The following TM4SF20 variants were observed in gnomAD, a reference collection of about 807,000 sequenced individuals.
TM4SF20 encodes transmembrane 4 L6 family member 20.
A neutral mutation model predicts 15.1 loss-of-function variants in TM4SF20; 13 were observed. The ratio of observed to expected loss-of-function variants is 0.86; its 90% confidence interval spans 0.56 to 1.36. TM4SF20 has a LOEUF of 1.36. TM4SF20 is among the 40% of genes most tolerant of loss of function. The pLI, the probability that TM4SF20 is intolerant of heterozygous loss-of-function variation, is 0.00. For synonymous variants in TM4SF20, 92 were observed against 96.6 expected, an observed-to-expected ratio of 0.95 and a Z score of 0.28; for missense variants, 282 against 268.4, an observed-to-expected ratio of 1.05 and a Z score of -0.35.
chr2:227,365,505 T>C (rs2076388584), intron 3 of TM4SF20, among the ~76,000 whole-genome samples: 1 of 152,254 alleles, frequency 6.6e-6, no homozygotes, highest in Non-Finnish European at 1.5e-5. Context: ...TGTTATTACA[T>C]GACTTAAAAT....
At chr2:227,373,695 C>T (rs1560006440) in intron 1 of TM4SF20, among the ~76,000 whole-genome samples, 1 of 151,976 alleles carries the variant, frequency 6.6e-6, no homozygotes, top group Admixed American at 6.6e-5. Flanking sequence ...CTTCAGGAAG[C>T]CAAGGTGGGC....
At chr2:227,380,503 G>A (rs944451674), upstream of TM4SF20, among the ~76,000 whole-genome samples, 20 of 152,154 alleles carry the variant, frequency 1.3e-4, no homozygotes, top group Non-Finnish European at 2.1e-4. Context: ...AATGTGGTGA[G>A]CCACATACTG....
chr2:227,379,297 A>G lies in TM4SF20; in HGVS notation c.-29T>C. ...CACCCCTGGCTCAGAAACGTTGTCA[A>G]AGTGGCTATGCTTGCATGGTACTAT... is the stretch of plus-strand genomic sequence containing the variant. On this transcript the variant is annotated 5_prime_UTR_variant, in exon 1 of 4. Coordinates refer to ENST00000304568, the MANE Select transcript of TM4SF20 (RefSeq NM_024795.4). The G allele has an allele frequency of 3.7e-6, 6 of 1,605,838 alleles. No homozygotes were observed. Among genetic ancestry groups the G allele is most frequent in the Admixed American group, 1.7e-5 (1 of 59,570 alleles).
chr2:227,367,175 C>T (rs989048863), intron 2 of TM4SF20, among the ~76,000 whole-genome samples: 4 of 152,142 alleles, frequency 2.6e-5, no homozygotes, highest in African/African-American at 7.2e-5. Context: ...ACCTCCAGCC[C>T]GGTTCTGACA....
intron 3 of TM4SF20, among the ~76,000 whole-genome samples, chr2:227,365,111 A>G (rs2076386020): frequency 6.6e-6 from 1 of 152,202 alleles, no homozygotes; most frequent in African/African-American, 2.4e-5. Context: ...CAGTTTCACC[A>G]TGTTGACCAG....
intron 1 of TM4SF20, among the ~76,000 whole-genome samples, chr2:227,375,258 T>A (rs1380557640): frequency 6.6e-6 from 1 of 152,018 alleles, no homozygotes; most frequent in Non-Finnish European, 1.5e-5. Context: ...TGGGCAATAG[T>A]GGTGCATGCC....
At position 227,363,553 on chromosome 2, in the gene TM4SF20, A is replaced by G; in HGVS notation, c.*171T>C. On this transcript the variant is annotated 3_prime_UTR_variant, in exon 4 of 4. Transcript: ENST00000304568. Reference sequence around the variant, plus strand: ...TAGTACAACACAAAACTAATTGAAAATTCTCTCCACCTTTCCCAAATCAAC... The same window carrying G: ...TAGTACAACACAAAACTAATTGAAAGTTCTCTCCACCTTTCCCAAATCAAC... 3 of 677,312 alleles carry G rather than the reference A, an allele frequency of 4.4e-6. No homozygotes were observed. 42.0% of individuals were successfully genotyped at this position (677,312 alleles called of 1,614,324 possible). A position where few individuals can be genotyped will look rare whatever the true frequency, so the allele number is the denominator to read the frequency against.
intron 2 of TM4SF20, among the ~76,000 whole-genome samples, chr2:227,368,987 A>G (rs913860150): frequency 2.6e-5 from 4 of 152,200 alleles, no homozygotes; most frequent in Non-Finnish European, 5.9e-5. Context: ...AAGCCTATAT[A>G]AGTGTTTTGA....
At chr2:227,373,370 C>A (rs2076430377) in intron 1 of TM4SF20, among the ~76,000 whole-genome samples, 1 of 152,200 alleles carries the variant, frequency 6.6e-6, no homozygotes, top group Admixed American at 6.5e-5. Flanking sequence ...GCCTAGCCAC[C>A]TTGGCGCATA....
intron 2 of TM4SF20, among the ~76,000 whole-genome samples, chr2:227,368,437 G>A (rs920398779): frequency 6.7e-6 from 1 of 149,674 alleles, no homozygotes; most frequent in Non-Finnish European, 1.5e-5. Flanking sequence ...TGTAACCTCT[G>A]CCTCCTGGGT....
intron 3 of TM4SF20, among the ~76,000 whole-genome samples, chr2:227,364,383 A>ACCCCCCC (rs1315331304): frequency 2.4e-4 from 34 of 143,404 alleles, no homozygotes; most frequent in African/African-American, 5.6e-4. Flanking sequence ...AGCCTCCCCT[A>ACCCCCCC]CCCCCCGCCA....
chr2:227,372,165 G>A (rs922789801), intron 1 of TM4SF20, among the ~76,000 whole-genome samples: 4 of 152,050 alleles, frequency 2.6e-5, no homozygotes, highest in East Asian at 1.9e-4. Flanking sequence ...ACATTTTCCC[G>A]AGCTCTGGCG....
chr2:227,368,726 T>C (rs1343780244), intron 2 of TM4SF20, among the ~76,000 whole-genome samples: 1 of 152,248 alleles, frequency 6.6e-6, no homozygotes, highest in Non-Finnish European at 1.5e-5. Flanking sequence ...ATTCCAGGCA[T>C]GTGTATTTCC....
In TM4SF20 at chr2:227,363,658, T is replaced by G. The variant is rs2076374502; in HGVS notation, c.*66A>C. 9 of 1,496,876 alleles carry G rather than the reference T, an allele frequency of 6.0e-6. No individual in the cohort carries two copies. Among genetic ancestry groups the G allele is most frequent in the Non-Finnish European group, 8.1e-6 (9 of 1,113,838 alleles). The allele number at this position is 1,496,876 out of a possible 1,614,324, so 92.7% of individuals were successfully genotyped here. On this transcript the variant is annotated 3_prime_UTR_variant, in exon 4 of 4. Coordinates refer to ENST00000304568, the MANE Select transcript of TM4SF20 (RefSeq NM_024795.4). Reference sequence around the variant, plus strand: ...TTTTTTAAATCATCTCAAAGATGACTTTGAAAACAAGTGTACTTCTCAAAT... The same window carrying G: ...TTTTTTAAATCATCTCAAAGATGACGTTGAAAACAAGTGTACTTCTCAAAT...
intron 1 of TM4SF20, among the ~76,000 whole-genome samples, chr2:227,376,189 C>T (rs997367959): frequency 3.9e-5 from 6 of 152,096 alleles, no homozygotes; most frequent in African/African-American, 1.4e-4. Context: ...TTTTTGGTAA[C>T]AATACTAATT....
intron 2 of TM4SF20, among the ~76,000 whole-genome samples, chr2:227,369,910 CT>C (rs1310886718): frequency 1.3e-5 from 2 of 152,304 alleles, no homozygotes; most frequent in Non-Finnish European, 2.9e-5. Context: ...TAAAAATCCA[CT>C]TACTAGTGTG....
chr2:227,363,716 C>A lies in TM4SF20; in HGVS notation c.*8G>T. 1 of 1,603,494 alleles carries A rather than the reference C, an allele frequency of 6.2e-7. No homozygotes were observed. Among genetic ancestry groups the A allele is most frequent in the South Asian group, 1.1e-5 (1 of 89,506 alleles). On this transcript the variant is annotated 3_prime_UTR_variant, in exon 4 of 4. Transcript: ENST00000304568. ...AACTACTGATACTTACATTTTATTC[C>A]CATTAAACTACACAATTTGACTTCT... is the stretch of plus-strand genomic sequence containing the variant.
chr2:227,373,459 A>G lies in TM4SF20; in HGVS notation c.184-2479T>C, dbSNP rs576711587. On this transcript the variant is annotated intron_variant, in intron 1 of 3. Coordinates refer to ENST00000304568, the MANE Select transcript of TM4SF20 (RefSeq NM_024795.4). ...AGTATTCGTGCACTAAACATCTTTT[A>G]TTGTACACATAAGCTGTACTGCCTT... 3.3e-5 allele frequency among the ~76,000 whole-genome samples: 5 copies of G among 152,330 alleles called. No individual in the cohort carries two copies. The East Asian group carries it at 7.7e-4, about 24-fold the overall frequency.
intron 1 of TM4SF20, among the ~76,000 whole-genome samples, chr2:227,372,996 G>A (rs1412294718): frequency 2.0e-5 from 3 of 152,148 alleles, no homozygotes; most frequent in Admixed American, 6.5e-5. Context: ...GATTACAGGT[G>A]AGCCTCTGTG....
Sources: allele counts gnomAD v4.1 joint callset (sites outside exome capture counted in the v4.1 genomes callset), GRCh38; gene constraint gnomAD v4.1.1; transcripts MANE v1.5; gene names NCBI Gene and HGNC (gene_info 2026-07-23, HGNC 2026-07-21).